EEF1A2: variants seen among roughly 807,000 people sequenced by gnomAD.
The protein encoded by EEF1A2 is eukaryotic translation elongation factor 1 alpha 2.
Under a neutral mutation model 39.3 loss-of-function variants are expected in EEF1A2, and 5 were observed. That is an observed-to-expected ratio of 0.13 (90% CI 0.07 to 0.27). EEF1A2 has a LOEUF of 0.27. Ranked by LOEUF, EEF1A2 falls within the 10% of genes least tolerant of loss-of-function variation. EEF1A2 has a pLI of 1.00. For synonymous variants in EEF1A2, 287 were observed against 293.7 expected, an observed-to-expected ratio of 0.98 and a Z score of 0.23; for missense variants, 218 against 681.4, an observed-to-expected ratio of 0.32 and a Z score of 7.57.
In EEF1A2 at chr20:63,488,385, T is replaced by C. The variant is rs1600901580; in HGVS notation, c.1305A>G (p.Val435=). 6.8e-7 allele frequency: 1 copy of C among 1,477,062 alleles called. No individual in the cohort carries two copies. The highest frequency in any genetic ancestry group is 3.0e-5 in the East Asian group (1 of 33,182). 91.5% of individuals were successfully genotyped at this position (1,477,062 alleles called of 1,614,324 possible). The change falls in exon 8 of 8, where the codon GTA becomes GTG. Residue 435 remains valine (V), a synonymous_variant. Transcript: ENST00000217182. ...AVRDMRQTVA[V]GVIKNVEKKS... Reference sequence around the variant, plus strand: ...TCTTCTCCACGTTCTTGATGACGCCTACGGCCACCGTCTGCCTCATGTCGC... The same window carrying C: ...TCTTCTCCACGTTCTTGATGACGCCCACGGCCACCGTCTGCCTCATGTCGC...
At chr20:63,494,161 G>A (rs2082405421) in intron 4 of EEF1A2, among the ~76,000 whole-genome samples, 1 of 152,244 alleles carries the variant, frequency 6.6e-6, no homozygotes, top group Non-Finnish European at 1.5e-5. Context: ...TGCTGGCAGA[G>A]CCTAGTGGTG....
chr20:63,496,431 G>A (rs1002435150), intron 2 of EEF1A2: 7 of 217,632 alleles, frequency 3.2e-5, no homozygotes, highest in African/African-American at 1.6e-4. Context: ...ACCGTGTTTG[G>A]GGCTGTCAGA....
In EEF1A2 at chr20:63,493,185, TGGGGCGCGTGG is replaced by T. The variant is rs1568996544; in HGVS notation, c.713_723del (p.Pro238HisfsTer47). ...AGCGGCAGGCGCAGGGGCTTGTCCG[TGGGGCGCGTGG>T]GGGGCAGGATGGTGTCCAGGGCCTC... On this transcript the variant is annotated frameshift_variant, in exon 5 of 8. Transcript: ENST00000217182. LOFTEE classifies it high-confidence loss of function. 1 of 1,548,772 alleles carries T rather than the reference TGGGGCGCGTGG, an allele frequency of 6.5e-7. No individual in the cohort carries two copies. Among genetic ancestry groups the T allele is most frequent in the East Asian group, 2.4e-5 (1 of 40,924 alleles).
chr20:63,499,045 C>T lies in EEF1A2; in HGVS notation c.-72+13G>A. On this transcript the variant is annotated intron_variant, in intron 1 of 7. Transcript: ENST00000217182. ...GGGGCGGGGGCGGAGGCCCGGGGGC[C>T]GAGCGTCCTTACCCGGAGCCGAGGT... 7.1e-6 allele frequency: 1 copy of T among 141,652 alleles called. No homozygotes were observed. Among genetic ancestry groups the T allele is most frequent in the Non-Finnish European group, 1.6e-5 (1 of 64,204 alleles). The allele number at this position is 141,652 out of a possible 1,614,324, so 8.8% of individuals were successfully genotyped here.
chr20:63,489,278 T>G, intron 6 of EEF1A2, 126 bp from the exon 7 acceptor site: 2 of 882,326 alleles, frequency 2.3e-6, no homozygotes, highest in South Asian at 3.4e-5. Flanking sequence ...GAGTGCTGAC[T>G]GGAGGGGGCT....
At position 63,488,256 on chromosome 20, in the gene EEF1A2, C is replaced by T. The variant is rs558358109; in HGVS notation, c.*42G>A. ...GGGGGCCCGGGCCCGGGGTTCGGAG[C>T]GCGGCACCGCCGGGGAGGGTCGCGC... On this transcript the variant is annotated 3_prime_UTR_variant, in exon 8 of 8. Transcript: ENST00000217182. The T allele has an allele frequency of 5.0e-6, 5 of 1,004,722 alleles. No individual in the cohort carries two copies. In the East Asian group the frequency reaches 3.9e-4, roughly 78 times the overall value. 62.2% of individuals were successfully genotyped at this position (1,004,722 alleles called of 1,614,324 possible). A position where few individuals can be genotyped will look rare whatever the true frequency, so the allele number is the denominator to read the frequency against.
At chr20:63,496,287 G>A (rs955648122) in intron 2 of EEF1A2, 4 of 544,764 alleles carry the variant, frequency 7.3e-6, no homozygotes, top group Non-Finnish European at 6.6e-6. Context: ...AGCAGGTGGC[G>A]CAAGGGCCTG....
chr20:63,488,474 C>G (rs1480108100), intron 7 of EEF1A2, 49 bp from the exon 8 acceptor site: 1 of 1,362,050 alleles, frequency 7.3e-7, no homozygotes, highest in Non-Finnish European at 9.5e-7. Flanking sequence ...ACTTGACCCC[C>G]CCCAACCCCA....
rs775423668 is a variant in EEF1A2 at position 63,497,697 on chromosome 20, T to A, written c.67A>T (p.Thr23Ser). 34 of 1,613,004 alleles carry A rather than the reference T, an allele frequency of 2.1e-5. No individual in the cohort carries two copies. The South Asian group carries it at 3.6e-4, about 17-fold the overall frequency. Residue 23 changes from threonine (T) to serine (S), a missense_variant, in exon 2 of 8, where the codon ACC becomes TCC. Thr to Ser is a moderately conservative substitution (Grantham distance 58). Around this residue, in one of 4 missense-constraint regions of EEF1A2, gnomAD observed 28 missense variants for 156.2 expected, o/e 0.18. Coordinates refer to ENST00000217182, the MANE Select transcript of EEF1A2 (RefSeq NM_001958.5). This position sits in a 1 kb window ranked among gnomAD's most constrained non-coding sequence, Gnocchi z 7.3. ...IGHVDSGKSTTTGHLIYKCGG... is the reference protein window; with the variant it reads ...IGHVDSGKSTSTGHLIYKCGG... ...CATTTGTAGATGAGGTGGCCCGTGGTGGTGGACTTTCCGGAGTCCACGTGG... is the reference window on the plus strand; with the variant it reads ...CATTTGTAGATGAGGTGGCCCGTGGAGGTGGACTTTCCGGAGTCCACGTGG...
intron 6 of EEF1A2, chr20:63,490,182 C>T: frequency 3.4e-6 from 1 of 295,608 alleles, no homozygotes; most frequent in Non-Finnish European, 6.5e-6. Flanking sequence ...ATTCTCCTGC[C>T]TCAGCTTCCT....
At chr20:63,496,315 G>C (rs912964421) in intron 2 of EEF1A2, 4 of 487,316 alleles carry the variant, frequency 8.2e-6, no homozygotes, top group African/African-American at 5.9e-5. Flanking sequence ...CTCGCTCTAC[G>C]AGCGAAGCCG....
At position 63,497,566 on chromosome 20, in the gene EEF1A2, C is replaced by T. The variant is rs8120617; in HGVS notation, c.144+54G>A. 1.2e-3 allele frequency: 1,836 copies of T among 1,575,008 alleles called. 15 individuals carry two copies. The African/African-American group carries it at 0.017, about 14-fold the overall frequency. On this transcript the variant is annotated intron_variant, in intron 2 of 7. Coordinates refer to ENST00000217182, the MANE Select transcript of EEF1A2 (RefSeq NM_001958.5). This position sits in a 1 kb window ranked among gnomAD's most constrained non-coding sequence, Gnocchi z 7.3. Reference sequence around the variant, plus strand: ...TGGGAGATGCCAAGCCTGGCCACCACGGGAGTTGGGGGTTCCTTCTCAGGG... The same window carrying T: ...TGGGAGATGCCAAGCCTGGCCACCATGGGAGTTGGGGGTTCCTTCTCAGGG...
chr20:63,492,645 AATGG>A (rs1024932664), intron 5 of EEF1A2, among the ~76,000 whole-genome samples: 19 of 22,440 alleles, frequency 8.5e-4, no homozygotes, highest in African/African-American at 1.8e-3. Context: ...TGGGACAATC[AATGG>A]ATGGATGGAT....
At chr20:63,495,811 G>T (rs781623338) in intron 3 of EEF1A2, 45 bp downstream of exon 3, 6 of 1,602,048 alleles carry the variant, frequency 3.7e-6, no homozygotes, top group Admixed American at 1.7e-5. Flanking sequence ...CCCTTGAAGG[G>T]TGCAGCGGCC....
At chr20:63,495,710 T>A in intron 3 of EEF1A2, 146 bp downstream of exon 3, 1 of 1,007,496 alleles carries the variant, frequency 9.9e-7, no homozygotes, top group East Asian at 2.6e-5. Flanking sequence ...TGAGCCAGAC[T>A]GGGTGAGGGT....
chr20:63,489,568 A>G (rs1226557144), intron 6 of EEF1A2, among the ~76,000 whole-genome samples: 1 of 152,190 alleles, frequency 6.6e-6, no homozygotes, highest in African/African-American at 2.4e-5. Context: ...GGATCACTTG[A>G]GGTCAGGAGT....
chr20:63,492,464 GGATGGAGA>G, intron 5 of EEF1A2, among the ~76,000 whole-genome samples: 1 of 107,604 alleles, frequency 9.3e-6, no homozygotes, highest in Non-Finnish European at 2.0e-5. Flanking sequence ...ATGGATGGAT[GGATGGAGA>G]GATGGATGGA....
At chr20:63,489,458 C>T (rs963284279) in intron 6 of EEF1A2, among the ~76,000 whole-genome samples, 2 of 152,228 alleles carry the variant, frequency 1.3e-5, no homozygotes, top group African/African-American at 2.4e-5. Flanking sequence ...TCCTGTGTTT[C>T]AGTTGTATCT....
Position 63,488,254 on chromosome 20 carries a change from A to C in EEF1A2, c.*44T>G. On this transcript the variant is annotated 3_prime_UTR_variant, in exon 8 of 8. Coordinates refer to ENST00000217182, the MANE Select transcript of EEF1A2 (RefSeq NM_001958.5). The stretch of plus-strand genomic sequence containing the variant: ...GCGGGGGCCCGGGCCCGGGGTTCGG[A>C]GCGCGGCACCGCCGGGGAGGGTCGC... The C allele has an allele frequency of 1.0e-6, 1 of 989,974 alleles. No individual in the cohort carries two copies. Among genetic ancestry groups the C allele is most frequent in the Non-Finnish European group, 1.2e-6 (1 of 836,368 alleles). The allele number at this position is 989,974 out of a possible 1,614,324, so 61.3% of individuals were successfully genotyped here.
Sources: gnomAD v4.1 joint callset for allele counts (sites outside exome capture counted in the v4.1 genomes callset) on GRCh38, gnomAD v4.1.1 for gene constraint, gnomAD v4.1.1 regional missense constraint, Gnocchi (gnomAD v3.1) non-coding constraint, MANE v1.5 for transcripts, NCBI Gene and HGNC (gene_info 2026-07-23, HGNC 2026-07-21) for gene names.